The following RAPGEF1 variants were observed in gnomAD, a reference collection of about 807,000 sequenced individuals.
The protein encoded by RAPGEF1 is Rap guanine nucleotide exchange factor 1, also known as CRK SH3-binding GNRP.
A neutral mutation model predicts 143.3 loss-of-function variants in RAPGEF1; 33 were observed. The ratio of observed to expected loss-of-function variants is 0.23; its 90% confidence interval spans 0.17 to 0.31. The LOEUF is 0.31. RAPGEF1 is among the 10% of genes least tolerant of loss of function. The pLI is 1.00. For missense variants in RAPGEF1, 1,199 were observed against 1,645.4 expected (o/e 0.73, Z 4.69); for synonymous variants, 629 against 676.5 (o/e 0.93, Z 1.09).
At chr9:131,582,343 A>G (rs1951990859) in intron 25 of RAPGEF1, among the ~76,000 whole-genome samples, 1 of 152,066 alleles carries the variant, frequency 6.6e-6, no homozygotes, top group Admixed American at 6.6e-5. Context: ...GGGGGCTGGG[A>G]AAGGAGAACC....
chr9:131,619,147 C>T lies in RAPGEF1; in HGVS notation c.1965G>A (p.Val655=), dbSNP rs760930325. 1.5e-6 allele frequency: 2 copies of T among 1,319,978 alleles called. No homozygotes were observed. The highest frequency in any genetic ancestry group is 1.0e-4 in the East Asian group (2 of 19,190). The allele number at this position is 1,319,978 out of a possible 1,614,324, so 81.8% of individuals were successfully genotyped here. The change falls in exon 12 of 27, where the codon GTG becomes GTA. Residue 655 remains valine, a synonymous_variant. Coordinates refer to ENST00000683357, the MANE Select transcript of RAPGEF1 (RefSeq NM_001377935.1). ...SVSHCVQQTK[V]AFTPEDGSAA... is the part of the protein sequence containing the mutation. ...CACTGCCGTCCTCGGGGGTGAAGGCCACTTTAGTTTGCTGGACACAGTGGG... is the reference window on the plus strand; with the variant it reads ...CACTGCCGTCCTCGGGGGTGAAGGCTACTTTAGTTTGCTGGACACAGTGGG...
chr9:131,704,452 C>T (rs1006699169), intron 1 of RAPGEF1, among the ~76,000 whole-genome samples: 1 of 151,976 alleles, frequency 6.6e-6, no homozygotes, highest in African/African-American at 2.4e-5. Context: ...CAGCAAATCC[C>T]ACAATCTGCC....
chr9:131,587,157 C>CACACACA (rs1364956313), intron 22 of RAPGEF1, among the ~76,000 whole-genome samples: 6 of 132,688 alleles, frequency 4.5e-5, no homozygotes, highest in African/African-American at 1.8e-4. Context: ...CACACACACA[C>CACACACA]ACCTGCAGAG....
chr9:131,581,341 C>G (rs1951839150), intron 25 of RAPGEF1, among the ~76,000 whole-genome samples: 1 of 151,864 alleles, frequency 6.6e-6, no homozygotes, highest in African/African-American at 2.4e-5. Flanking sequence ...CTGCAGTGAG[C>G]TATGATTGCA....
chr9:131,735,471 T>A (rs890399760), intron 1 of RAPGEF1, among the ~76,000 whole-genome samples: 2 of 152,194 alleles, frequency 1.3e-5, no homozygotes, highest in African/African-American at 2.4e-5. Flanking sequence ...ACACAGAGGA[T>A]GCCTGTATTC....
chr9:131,700,423 G>A (rs1834541968), intron 1 of RAPGEF1, among the ~76,000 whole-genome samples: 1 of 152,054 alleles, frequency 6.6e-6, no homozygotes, highest in Non-Finnish European at 1.5e-5. Flanking sequence ...TCCTCTATAT[G>A]ATACCTGTCA....
Position 131,621,740 on chromosome 9 carries a change from T to A in RAPGEF1, c.1905+56A>T. On this transcript the variant is annotated intron_variant, in intron 11 of 26. Coordinates refer to ENST00000683357, the MANE Select transcript of RAPGEF1 (RefSeq NM_001377935.1). The surrounding 1 kb of genome is among the most constrained non-coding windows in gnomAD (Gnocchi z 4.5). Reference sequence around the variant, plus strand: ...CTGCCCCCAAGGAGGGTCATTCTGGTTCCTAGAGACCTGCTAGGATCGGAA... The same window carrying A: ...CTGCCCCCAAGGAGGGTCATTCTGGATCCTAGAGACCTGCTAGGATCGGAA... The A allele has an allele frequency of 6.6e-7, 1 of 1,507,268 alleles. No homozygotes were observed. The highest frequency in any genetic ancestry group is 9.0e-7 in the Non-Finnish European group (1 of 1,113,220). 93.4% of individuals were successfully genotyped at this position (1,507,268 alleles called of 1,614,324 possible).
At chr9:131,647,305 A>G (rs1969916449) in intron 3 of RAPGEF1, among the ~76,000 whole-genome samples, 1 of 152,194 alleles carries the variant, frequency 6.6e-6, no homozygotes, top group African/African-American at 2.4e-5. Context: ...CAGGGCCAAC[A>G]CTGTCTGCAC....
chr9:131,631,219 T>C (rs1964757202), intron 5 of RAPGEF1, among the ~76,000 whole-genome samples: 4 of 152,216 alleles, frequency 2.6e-5, no homozygotes, highest in Admixed American at 2.0e-4. Flanking sequence ...TGCCATTAAA[T>C]TCACCCATTT....
intron 3 of RAPGEF1, 93 bp from the exon 4 acceptor site, chr9:131,643,510 G>A (rs1247894326): frequency 8.0e-7 from 1 of 1,246,130 alleles, no homozygotes; most frequent in Non-Finnish European, 1.1e-6. Context: ...ACCAGCTTGA[G>A]ATCGATAGGA....
intron 1 of RAPGEF1, among the ~76,000 whole-genome samples, chr9:131,686,413 A>G (rs1038207849): frequency 6.6e-6 from 1 of 152,156 alleles, no homozygotes; most frequent in African/African-American, 2.4e-5. Context: ...TGTGATTTTG[A>G]CTATGGGTAA....
At chr9:131,604,565 C>T (rs945945306) in intron 13 of RAPGEF1, among the ~76,000 whole-genome samples, 4 of 152,188 alleles carry the variant, frequency 2.6e-5, no homozygotes, top group African/African-American at 9.7e-5. Flanking sequence ...GGGCTTTGTA[C>T]CTTTCCCTAA....
intron 1 of RAPGEF1, among the ~76,000 whole-genome samples, chr9:131,716,525 G>A (rs963386311): frequency 6.6e-6 from 1 of 152,202 alleles, no homozygotes; most frequent in African/African-American, 2.4e-5. Context: ...CAGCACTTTG[G>A]GAGGCAGAGG....
intron 1 of RAPGEF1, among the ~76,000 whole-genome samples, chr9:131,722,109 C>CA (rs763993297): frequency 3.3e-4 from 49 of 150,696 alleles, no homozygotes; most frequent in Middle Eastern, 3.4e-3. Context: ...GTCTTAGTGT[C>CA]AAAAAAAAAC....
chr9:131,604,577 A>G (rs2132510397), intron 13 of RAPGEF1, among the ~76,000 whole-genome samples: 1 of 152,354 alleles, frequency 6.6e-6, no homozygotes, highest in Middle Eastern at 3.4e-3. Flanking sequence ...TTTCCCTAAA[A>G]ACAGACAAGT....
At chr9:131,582,440 TA>T (rs1280292286) in intron 25 of RAPGEF1, among the ~76,000 whole-genome samples, 164 bp downstream of exon 25, 1 of 151,982 alleles carries the variant, frequency 6.6e-6, no homozygotes, top group Non-Finnish European at 1.5e-5. Context: ...TATTGTATAT[TA>T]TGCATTATAA....
intron 20 of RAPGEF1, among the ~76,000 whole-genome samples, chr9:131,588,299 A>G (rs1156613457): frequency 1.3e-5 from 2 of 152,230 alleles, no homozygotes; most frequent in African/African-American, 4.8e-5. Flanking sequence ...TCGTGAGCTC[A>G]TGGACAGTTG....
chr9:131,730,208 A>AAG (rs1311154945), intron 1 of RAPGEF1, among the ~76,000 whole-genome samples: 1 of 151,252 alleles, frequency 6.6e-6, no homozygotes, highest in African/African-American at 2.4e-5. Flanking sequence ...AAAAAAAAAA[A>AAG]AAAAAAAAGA....
chr9:131,631,776 A>G (rs915687889), intron 5 of RAPGEF1, among the ~76,000 whole-genome samples: 9 of 152,274 alleles, frequency 5.9e-5, no homozygotes, highest in Admixed American at 2.0e-4. Context: ...GAAAACAAAA[A>G]AACTAGAAGG....
Sources: allele counts gnomAD v4.1 joint callset (sites outside exome capture counted in the v4.1 genomes callset), GRCh38; gene constraint gnomAD v4.1.1; non-coding constraint Gnocchi (gnomAD v3.1); transcripts MANE v1.5; gene names NCBI Gene and HGNC (gene_info 2026-07-23, HGNC 2026-07-21).